Variants in PHACTR1 observed in about 807,000 individuals in gnomAD.
PHACTR1 encodes the protein RPEL repeat containing 1.
Under a neutral mutation model 69.2 loss-of-function variants are expected in PHACTR1, and 16 were observed. The ratio of observed to expected loss-of-function variants is 0.23; its 90% CI spans 0.16 to 0.35. PHACTR1 has a LOEUF of 0.35. PHACTR1 is among the 10% of genes least tolerant of loss of function. The pLI is 1.00. For missense variants in PHACTR1, 510 were observed against 734.7 expected (o/e 0.69, Z 3.54); for synonymous variants, 312 against 284.5 (o/e 1.10, Z -0.97).
chr6:13,166,271 C>T (rs1759791799), intron 6 of PHACTR1, among the ~76,000 whole-genome samples: 1 of 152,182 alleles, frequency 6.6e-6, no homozygotes, highest in Non-Finnish European at 1.5e-5. Flanking sequence ...CTCCTTCTTC[C>T]TTTTTTCTTC....
intron 8 of PHACTR1, among the ~76,000 whole-genome samples, chr6:13,219,034 T>A (rs1768188460): frequency 6.6e-6 from 1 of 151,996 alleles, no homozygotes; most frequent in Non-Finnish European, 1.5e-5. Context: ...AAAGAAGGCT[T>A]GGTAAAGGTC....
chr6:12,967,222 T>G (rs998756948), intron 4 of PHACTR1, among the ~76,000 whole-genome samples: 2 of 152,342 alleles, frequency 1.3e-5, no homozygotes, highest in Non-Finnish European at 2.9e-5. Context: ...AAAACTCTTA[T>G]CAGAATATTG....
chr6:12,731,261 G>T (rs1279572728), intron 3 of PHACTR1, among the ~76,000 whole-genome samples: 3 of 152,040 alleles, frequency 2.0e-5, no homozygotes, highest in Admixed American at 1.3e-4. Flanking sequence ...TGATCCACCC[G>T]CCTTGGCTTC....
At position 13,079,986 on chromosome 6, in the gene PHACTR1, G is replaced by A. The variant is rs145315327; in HGVS notation, c.415+26457G>A. Among the ~76,000 whole-genome samples, 148 of 152,172 alleles carry A rather than the reference G, an allele frequency of 9.7e-4. 3 individuals carry two copies. The Middle Eastern group carries it at 0.01, about 10-fold the overall frequency. ...TCTTCTACAAATACAGAGAAACGGC[G>A]TGTAACCAGTCTCCCTTGATGTCTG... On this transcript the variant is annotated intron_variant, in intron 5 of 14. Coordinates refer to ENST00000332995, the MANE Select transcript of PHACTR1 (RefSeq NM_030948.6).
At chr6:12,909,559 T>G (rs1786129791) in intron 4 of PHACTR1, among the ~76,000 whole-genome samples, 1 of 152,220 alleles carries the variant, frequency 6.6e-6, no homozygotes, top group African/African-American at 2.4e-5. Context: ...GGTGTCTTCA[T>G]AAGAGGTAGA....
At chr6:12,811,307 T>A (rs904412226) in intron 4 of PHACTR1, among the ~76,000 whole-genome samples, 1 of 152,224 alleles carries the variant, frequency 6.6e-6, no homozygotes, top group Admixed American at 6.5e-5. Flanking sequence ...TGGGAAGATG[T>A]AGCACTGGGT....
In PHACTR1 at chr6:12,890,468, G is replaced by A. The variant is rs150159187; in HGVS notation, c.250+140678G>A. 1.8e-3 allele frequency among the ~76,000 whole-genome samples: 273 copies of A among 151,938 alleles called. 1 individual carries two copies. Among genetic ancestry groups the A allele is most frequent in the African/African-American group, 6.4e-3 (264 of 41,428 alleles). ...ACTTCACTCAGAGAAAAGCCAACCC[G>A]CCCCCATTATGTGCAGGTCATACCT... On this transcript the variant is annotated intron_variant, in intron 4 of 14. Coordinates refer to ENST00000332995, the MANE Select transcript of PHACTR1 (RefSeq NM_030948.6).
At chr6:12,900,337 C>T (rs751486090) in intron 4 of PHACTR1, among the ~76,000 whole-genome samples, 2 of 151,594 alleles carry the variant, frequency 1.3e-5, no homozygotes, top group Non-Finnish European at 2.9e-5. Flanking sequence ...TTACTTTCAT[C>T]TTACTTTAAC....
Position 13,190,393 on chromosome 6 carries a change from C to T in PHACTR1, c.664+7707C>T, listed in dbSNP as rs182573294. On this transcript the variant is annotated intron_variant, in intron 7 of 14. Coordinates refer to ENST00000332995, the MANE Select transcript of PHACTR1 (RefSeq NM_030948.6). ...CATATTAGGGTTCCATCTTCATTGCCTCATTTGACCTTGATTACTTCCTTA... is the reference window on the plus strand; with the variant it reads ...CATATTAGGGTTCCATCTTCATTGCTTCATTTGACCTTGATTACTTCCTTA... 2.0e-5 allele frequency among the ~76,000 whole-genome samples: 3 copies of T among 152,022 alleles called. No homozygotes were observed. In the East Asian group the frequency reaches 5.8e-4, roughly 29 times the overall value.
chr6:13,223,306 G>A (rs1236982652), intron 8 of PHACTR1, among the ~76,000 whole-genome samples: 1 of 152,160 alleles, frequency 6.6e-6, no homozygotes, highest in Non-Finnish European at 1.5e-5. Flanking sequence ...TAAGGAACCA[G>A]ATAGATAGTA....
At chr6:12,796,974 A>G (rs557771800) in intron 4 of PHACTR1, among the ~76,000 whole-genome samples, 2 of 151,502 alleles carry the variant, frequency 1.3e-5, no homozygotes, top group African/African-American at 2.4e-5. Flanking sequence ...AGAGCCAGAC[A>G]TTAGGCCCAG....
At chr6:12,781,039 T>TA (rs1274196312) in intron 4 of PHACTR1, among the ~76,000 whole-genome samples, 1 of 152,224 alleles carries the variant, frequency 6.6e-6, no homozygotes, top group Non-Finnish European at 1.5e-5. Context: ...AAATTACTAG[T>TA]AGTCATTTTT....
At position 12,884,491 on chromosome 6, in the gene PHACTR1, C is replaced by A. The variant is rs1490235129; in HGVS notation, c.250+134701C>A. 2.0e-5 allele frequency among the ~76,000 whole-genome samples: 3 copies of A among 152,070 alleles called. No individual in the cohort carries two copies. In the East Asian group the frequency reaches 5.8e-4, roughly 29 times the overall value. ...TCTCGGCTCACTGCAAGCTCCGCCT[C>A]CTGGGTTCATGCCACTCCCTTGCCT... On this transcript the variant is annotated intron_variant, in intron 4 of 14. Coordinates refer to ENST00000332995, the MANE Select transcript of PHACTR1 (RefSeq NM_030948.6).
intron 4 of PHACTR1, among the ~76,000 whole-genome samples, chr6:12,956,978 A>G (rs779170158): frequency 2.0e-5 from 3 of 151,362 alleles, no homozygotes; most frequent in Non-Finnish European, 4.4e-5. Context: ...ACTAAAGTGC[A>G]TTGCAAAAAT....
chr6:13,123,207 G>A (rs1819011719), intron 5 of PHACTR1, among the ~76,000 whole-genome samples: 1 of 152,218 alleles, frequency 6.6e-6, no homozygotes, highest in Non-Finnish European at 1.5e-5. Context: ...TGTAGGTAAT[G>A]ACTTAGGAGA....
intron 4 of PHACTR1, among the ~76,000 whole-genome samples, chr6:12,925,853 GA>G (rs954681334): frequency 5.3e-5 from 8 of 151,162 alleles, no homozygotes; most frequent in Non-Finnish European, 8.9e-5. Context: ...GCAGAAATAG[GA>G]AAAAAAAATT....
At chr6:12,905,024 C>G (rs914189731) in intron 4 of PHACTR1, among the ~76,000 whole-genome samples, 1 of 152,160 alleles carries the variant, frequency 6.6e-6, no homozygotes, top group African/African-American at 2.4e-5. Flanking sequence ...GTAGGGGAGG[C>G]TTCTACCCAC....
At chr6:12,802,241 G>T (rs1773791767) in intron 4 of PHACTR1, among the ~76,000 whole-genome samples, 1 of 150,928 alleles carries the variant, frequency 6.6e-6, no homozygotes, top group South Asian at 2.1e-4. Context: ...TTCCACCTAT[G>T]CTTTTCTTTT....
chr6:13,102,512 A>G (rs1815337539), intron 5 of PHACTR1, among the ~76,000 whole-genome samples: 1 of 152,206 alleles, frequency 6.6e-6, no homozygotes, highest in African/African-American at 2.4e-5. Context: ...AGCATTTAAC[A>G]TCATAGCCAG....
Sources: gnomAD v4.1 joint callset for allele counts (sites outside exome capture counted in the v4.1 genomes callset) on GRCh38, gnomAD v4.1.1 for gene constraint, MANE v1.5 for transcripts, NCBI Gene and HGNC (gene_info 2026-07-23, HGNC 2026-07-21) for gene names.